Variants in BCAS4 observed in about 807,000 individuals in gnomAD.
BCAS4 encodes the protein breast carcinoma amplified sequence 4.
A neutral mutation model predicts 15.7 loss-of-function variants in BCAS4; 9 were observed. The ratio of observed to expected loss-of-function variants is 0.57; its 90% CI spans 0.34 to 1.00. The LOEUF (loss-of-function observed/expected upper bound fraction) is 1.00. Among genes scored for constraint, BCAS4 ranks in the 50% least tolerant of loss-of-function variants. The pLI is 0.02. For missense variants in BCAS4, 225 were observed against 239.1 expected (o/e 0.94, Z 0.39); for synonymous variants, 101 against 99.5 (o/e 1.02, Z -0.09).
chr20:50,873,132 T>G lies in BCAS4; in HGVS notation c.400-3354T>G, dbSNP rs949753356. Among the ~76,000 whole-genome samples, 5 of 152,240 alleles carry G rather than the reference T, an allele frequency of 3.3e-5. No homozygotes were observed. The East Asian group carries it at 9.6e-4, about 29-fold the overall frequency. ...TTCTTACATTAGTTCTCTCCAGGCCTAAAGACGCCATCACATCTAGAGCTG... is the reference window on the plus strand; with the variant it reads ...TTCTTACATTAGTTCTCTCCAGGCCGAAAGACGCCATCACATCTAGAGCTG... On this transcript the variant is annotated intron_variant, in intron 4 of 4. Transcript: ENST00000371608.
At chr20:50,833,410 G>C (rs1393715169) in intron 3 of BCAS4, among the ~76,000 whole-genome samples, 1 of 152,240 alleles carries the variant, frequency 6.6e-6, no homozygotes, top group Non-Finnish European at 1.5e-5. Flanking sequence ...CAGCTCCAGT[G>C]CTGCTGACCT....
intron 4 of BCAS4, among the ~76,000 whole-genome samples, chr20:50,871,744 G>A (rs1000181588): frequency 6.6e-6 from 1 of 152,218 alleles, no homozygotes; most frequent in African/African-American, 2.4e-5. Context: ...GGTGGCAGGA[G>A]TGGCCTGTCA....
intron 4 of BCAS4, among the ~76,000 whole-genome samples, chr20:50,867,230 G>A (rs527368411): frequency 1.3e-5 from 2 of 152,238 alleles, no homozygotes; most frequent in African/African-American, 2.4e-5. Flanking sequence ...TTTCTGTTCC[G>A]GGATCCCATA....
chr20:50,871,638 C>T (rs1327832113), intron 4 of BCAS4, among the ~76,000 whole-genome samples: 1 of 152,218 alleles, frequency 6.6e-6, no homozygotes, highest in African/African-American at 2.4e-5. Flanking sequence ...ATAGGGTTCA[C>T]GCGCTCCAAG....
At chr20:50,806,305 G>A (rs78164581) in intron 1 of BCAS4, among the ~76,000 whole-genome samples, 3,008 of 152,278 alleles carry the variant, frequency 0.02, 104 homozygotes, top group African/African-American at 0.069. Flanking sequence ...CTAAGGCGCC[G>A]CCCAGGCTGC....
Position 50,855,861 on chromosome 20 carries a change from G to A in BCAS4, c.399+13961G>A, listed in dbSNP as rs555600900. On this transcript the variant is annotated intron_variant, in intron 4 of 4. Transcript: ENST00000371608. Reference sequence around the variant, plus strand: ...GACCTGGGTCCCCGCCTGGGCTTAGGGTCTCTCTGGAGAATAAAACTCACA... The same window carrying A: ...GACCTGGGTCCCCGCCTGGGCTTAGAGTCTCTCTGGAGAATAAAACTCACA... Among the ~76,000 whole-genome samples, 88 of 152,344 alleles carry A rather than the reference G, an allele frequency of 5.8e-4. No individual in the cohort carries two copies. In the South Asian group the frequency reaches 8.1e-3, roughly 14 times the overall value.
At chr20:50,817,709 G>A (rs1338631967) in intron 1 of BCAS4, among the ~76,000 whole-genome samples, 2 of 151,964 alleles carry the variant, frequency 1.3e-5, no homozygotes, top group African/African-American at 2.4e-5. Flanking sequence ...TGATCCGCCC[G>A]CCTCACACAT....
In BCAS4 at chr20:50,814,231, G is replaced by T. The variant is rs145713228; in HGVS notation, c.91-3980G>T. Among the ~76,000 whole-genome samples, 3 of 152,294 alleles carry T rather than the reference G, an allele frequency of 2.0e-5. No individual in the cohort carries two copies. The East Asian group carries it at 5.8e-4, about 29-fold the overall frequency. On this transcript the variant is annotated intron_variant, in intron 1 of 4. Coordinates refer to ENST00000371608, the MANE Select transcript of BCAS4 (RefSeq NM_198799.4). Reference sequence around the variant, plus strand: ...CTCCCTAGATACCAGGGGGTGAGGTGGGGGACTGACCATAGCTGACAAGCA... The same window carrying T: ...CTCCCTAGATACCAGGGGGTGAGGTTGGGGACTGACCATAGCTGACAAGCA...
At position 50,796,389 on chromosome 20, in the gene BCAS4, A is replaced by G. The variant is rs865850002; in HGVS notation, c.90+1216A>G. ...CTCTCAAAAAAAAAAACCATAAAAT[A>G]TCTTTCCATATATATATATATACAT... On this transcript the variant is annotated intron_variant, in intron 1 of 4. Coordinates refer to ENST00000371608, the MANE Select transcript of BCAS4 (RefSeq NM_198799.4). 3.8e-5 allele frequency among the ~76,000 whole-genome samples: 5 copies of G among 132,320 alleles called. No homozygotes were observed. In the South Asian group the frequency reaches 9.8e-4, roughly 26 times the overall value. 86.8% of individuals were successfully genotyped at this position (132,320 alleles called of 152,430 possible).
In BCAS4 at chr20:50,799,042, A is replaced by C. The variant is rs542509236; in HGVS notation, c.90+3869A>C. 1.9e-4 allele frequency among the ~76,000 whole-genome samples: 29 copies of C among 152,282 alleles called. 1 individual carries two copies. The East Asian group carries it at 5.4e-3, about 28-fold the overall frequency. On this transcript the variant is annotated intron_variant, in intron 1 of 4. Coordinates refer to ENST00000371608, the MANE Select transcript of BCAS4 (RefSeq NM_198799.4). Reference sequence around the variant, plus strand: ...ACGCTCCCCAAGCATACTTTGGTCTAGTGTCCCAGGGACTCAGGCACAGAC... The same window carrying C: ...ACGCTCCCCAAGCATACTTTGGTCTCGTGTCCCAGGGACTCAGGCACAGAC...
intron 4 of BCAS4, among the ~76,000 whole-genome samples, chr20:50,844,197 C>A (rs1274517713): frequency 6.6e-6 from 1 of 151,764 alleles, no homozygotes; most frequent in Non-Finnish European, 1.5e-5. Context: ...TGGCTATAAT[C>A]CCACCACTTT....
intron 3 of BCAS4, chr20:50,840,692 T>A: frequency 1.2e-6 from 2 of 1,613,232 alleles, no homozygotes; most frequent in Admixed American, 1.7e-5. Context: ...GTCTCTGTCT[T>A]CTTCAGTTTC....
chr20:50,882,062 C>T (rs1172186457), downstream of BCAS4: 2 of 152,228 alleles, frequency 1.3e-5, no homozygotes, highest in Non-Finnish European at 2.9e-5. Context: ...AGAAATGGTC[C>T]TAGCTACTCA....
At chr20:50,802,771 G>A (rs1203967030) in intron 1 of BCAS4, among the ~76,000 whole-genome samples, 1 of 152,236 alleles carries the variant, frequency 6.6e-6, no homozygotes, top group African/African-American at 2.4e-5. Flanking sequence ...CTACTTGGGA[G>A]GCTGAGGCAG....
intron 1 of BCAS4, among the ~76,000 whole-genome samples, chr20:50,807,386 G>T (rs2088004343): frequency 6.6e-6 from 1 of 151,494 alleles, no homozygotes; most frequent in African/African-American, 2.4e-5. Flanking sequence ...TAGAGATGGG[G>T]TTTCACCATG....
At chr20:50,811,048 A>G (rs1431698006) in intron 1 of BCAS4, among the ~76,000 whole-genome samples, 1 of 152,208 alleles carries the variant, frequency 6.6e-6, no homozygotes, top group African/African-American at 2.4e-5. Context: ...AACTTTCACC[A>G]GTAAAGGGAA....
intron 4 of BCAS4, among the ~76,000 whole-genome samples, chr20:50,847,694 C>T (rs2088562998): frequency 6.6e-6 from 1 of 152,138 alleles, no homozygotes; most frequent in South Asian, 2.1e-4. Flanking sequence ...GCTGTGATCT[C>T]TTCAGGGAGC....
chr20:50,860,859 C>T (rs917030477), intron 4 of BCAS4, among the ~76,000 whole-genome samples: 1 of 151,948 alleles, frequency 6.6e-6, no homozygotes, highest in South Asian at 2.1e-4. Flanking sequence ...GGCGACATAG[C>T]GAGACTCCAT....
intron 4 of BCAS4, among the ~76,000 whole-genome samples, chr20:50,868,073 G>A (rs1302922205): frequency 6.6e-6 from 1 of 152,194 alleles, no homozygotes; most frequent in Non-Finnish European, 1.5e-5. Context: ...CCTATCTGAT[G>A]TTTTTCTCAT....
Sources: gnomAD v4.1 joint callset for allele counts (sites outside exome capture counted in the v4.1 genomes callset) on GRCh38, gnomAD v4.1.1 for gene constraint, MANE v1.5 for transcripts, NCBI Gene and HGNC (gene_info 2026-07-23, HGNC 2026-07-21) for gene names.